ARHGAP42: variants seen among roughly 807,000 people sequenced by gnomAD.
ARHGAP42 encodes rho GTPase-activating protein 42.
Under a neutral mutation model 125.0 loss-of-function variants are expected in ARHGAP42, and 63 were observed. The ratio of observed to expected loss-of-function variants is 0.50; its 90% CI spans 0.41 to 0.62. The LOEUF (loss-of-function observed/expected upper bound fraction) is 0.62. Among genes scored for constraint, ARHGAP42 ranks in the 20% least tolerant of loss-of-function variants. ARHGAP42 has a pLI of 0.00. For missense variants in ARHGAP42, 766 were observed against 1,024.2 expected (o/e 0.75, Z 3.44); for synonymous variants, 339 against 351.0 (o/e 0.97, Z 0.38).
At chr11:100,731,396 G>A (rs1006041738) in intron 1 of ARHGAP42, among the ~76,000 whole-genome samples, 4 of 152,036 alleles carry the variant, frequency 2.6e-5, no homozygotes, top group Admixed American at 1.3e-4. Flanking sequence ...TGATCCATCC[G>A]CCTCAGACTC....
chr11:100,852,207 A>G (rs1276774898), intron 3 of ARHGAP42, among the ~76,000 whole-genome samples: 1 of 152,144 alleles, frequency 6.6e-6, no homozygotes, highest in African/African-American at 2.4e-5. Flanking sequence ...AAGAAATTGC[A>G]TATATATTGG....
Position 100,913,463 on chromosome 11 carries a change from G to T in ARHGAP42, c.396G>T (p.Lys132Asn), listed in dbSNP as rs774943869. ...TTGCTCTCCTTTAGGATGGAAAGAA[G>T]AAGTTTGACAAAGAGAGTGAAAAAT... ...EQIGAAKDGK[K>N]KFDKESEKYY... The change falls in exon 5 of 24, where the codon AAG (lysine) becomes AAT (asparagine). Residue 132 changes from lysine (K) to asparagine (N), a missense_variant. Transcript: ENST00000298815. 7.8e-7 allele frequency: 1 copy of T among 1,283,736 alleles called. No individual in the cohort carries two copies. Among genetic ancestry groups the T allele is most frequent in the Non-Finnish European group, 1.0e-6 (1 of 981,334 alleles). The allele number at this position is 1,283,736 out of a possible 1,614,324, so 79.5% of individuals were successfully genotyped here. A position where few individuals can be genotyped will look rare whatever the true frequency, so the allele number is the denominator to read the frequency against.
At chr11:100,816,368 T>C (rs1160174131) in intron 3 of ARHGAP42, among the ~76,000 whole-genome samples, 1 of 151,962 alleles carries the variant, frequency 6.6e-6, no homozygotes, top group Non-Finnish European at 1.5e-5. Context: ...AACTTTGGGG[T>C]TTAATTTTGC....
chr11:100,866,233 C>T (rs1459952304), intron 4 of ARHGAP42, among the ~76,000 whole-genome samples: 1 of 152,146 alleles, frequency 6.6e-6, no homozygotes, highest in Non-Finnish European at 1.5e-5. Context: ...TCTTCAGGCT[C>T]CACTTCTAAT....
At chr11:100,764,008 T>G (rs1159546481) in intron 1 of ARHGAP42, among the ~76,000 whole-genome samples, 4 of 80,914 alleles carry the variant, frequency 4.9e-5, no homozygotes, top group Non-Finnish European at 8.9e-5. Context: ...CCTCCCCCTC[T>G]TCTTCTTCTT....
chr11:100,913,470 G>C lies in ARHGAP42; in HGVS notation c.403G>C (p.Asp135His). ...GAAKDGKKKF[D>H]KESEKYYSIL... is the part of the protein sequence containing the mutation. ...CCTTTAGGATGGAAAGAAGAAGTTT[G>C]ACAAAGAGAGTGAAAAATATTACTC... Residue 135 changes from aspartate (D) to histidine (H), a missense_variant, in exon 5 of 24, where the codon GAC becomes CAC. Transcript: ENST00000298815. 1 of 1,287,918 alleles carries C rather than the reference G, an allele frequency of 7.8e-7. No homozygotes were observed. 79.8% of individuals were successfully genotyped at this position (1,287,918 alleles called of 1,614,324 possible).
intron 3 of ARHGAP42, among the ~76,000 whole-genome samples, chr11:100,802,334 G>A (rs1355090236): frequency 2.0e-5 from 3 of 151,950 alleles, no homozygotes; most frequent in Non-Finnish European, 2.9e-5. Flanking sequence ...TTGAAATAGT[G>A]AAGTTGACTC....
intron 2 of ARHGAP42, among the ~76,000 whole-genome samples, chr11:100,780,769 T>C (rs866695073): frequency 3.7e-4 from 57 of 152,356 alleles, no homozygotes; most frequent in African/African-American, 1.3e-3. Context: ...CCACAATGGG[T>C]GGCATAAGTA....
intron 1 of ARHGAP42, 75 bp from the exon 2 acceptor site, chr11:100,770,268 A>G (rs1862941415): frequency 1.0e-6 from 1 of 985,582 alleles, no homozygotes; most frequent in South Asian, 1.8e-5. Flanking sequence ...AAGTTATATA[A>G]TTTTACATTT....
chr11:100,966,068 T>G (rs950662657), intron 17 of ARHGAP42, among the ~76,000 whole-genome samples: 3 of 152,128 alleles, frequency 2.0e-5, no homozygotes, highest in African/African-American at 7.2e-5. Flanking sequence ...ATATAGTTTT[T>G]TTTCCTCCCA....
intron 5 of ARHGAP42, among the ~76,000 whole-genome samples, chr11:100,916,347 AGGG>A (rs1867064171): frequency 1.3e-5 from 2 of 152,238 alleles, no homozygotes; most frequent in African/African-American, 4.8e-5. Flanking sequence ...TCAAACCATT[AGGG>A]AATTTAAACA....
intron 3 of ARHGAP42, among the ~76,000 whole-genome samples, chr11:100,799,503 C>T (rs1863801018): frequency 6.6e-6 from 1 of 152,180 alleles, no homozygotes; most frequent in Admixed American, 6.6e-5. Context: ...AGAAGTCTAA[C>T]TTCCACAGGG....
At chr11:100,930,066 T>G (rs1867531896) in intron 6 of ARHGAP42, among the ~76,000 whole-genome samples, 1 of 152,250 alleles carries the variant, frequency 6.6e-6, no homozygotes, top group Non-Finnish European at 1.5e-5. Flanking sequence ...ATTTCGTCAG[T>G]GATAAAAGGA....
At chr11:100,808,009 G>A (rs1864039256) in intron 3 of ARHGAP42, among the ~76,000 whole-genome samples, 1 of 152,176 alleles carries the variant, frequency 6.6e-6, no homozygotes, top group Non-Finnish European at 1.5e-5. Context: ...TATAAAGTTA[G>A]TGTGTAACTG....
chr11:100,691,886 A>G (rs1475489898), intron 1 of ARHGAP42, among the ~76,000 whole-genome samples: 2 of 152,180 alleles, frequency 1.3e-5, no homozygotes, highest in African/African-American at 2.4e-5. Context: ...GGTAATGATC[A>G]TATTAGCATG....
chr11:100,920,357 A>C (rs976039936), intron 5 of ARHGAP42, among the ~76,000 whole-genome samples: 1 of 152,118 alleles, frequency 6.6e-6, no homozygotes, highest in Non-Finnish European at 1.5e-5. Context: ...TACATGTATA[A>C]TTTTTTACTC....
At chr11:100,888,235 T>TA (rs1397047881) in intron 4 of ARHGAP42, among the ~76,000 whole-genome samples, 15 of 128,484 alleles carry the variant, frequency 1.2e-4, no homozygotes, top group East Asian at 0.011. Context: ...GCCTTTCCTT[T>TA]TAAAAAAAAA....
chr11:100,852,828 A>G (rs1264590881), intron 3 of ARHGAP42, among the ~76,000 whole-genome samples: 3 of 152,196 alleles, frequency 2.0e-5, no homozygotes, highest in African/African-American at 7.2e-5. Context: ...TAATTGTGCC[A>G]CCAGAGGTAC....
At chr11:100,883,344 G>GT (rs549830905) in intron 4 of ARHGAP42, among the ~76,000 whole-genome samples, 35 of 152,144 alleles carry the variant, frequency 2.3e-4, no homozygotes, top group African/African-American at 8.2e-4. Context: ...TGTTTGTTTT[G>GT]TTTTTTATTT....
Sources: gnomAD v4.1 joint callset for allele counts (sites outside exome capture counted in the v4.1 genomes callset) on GRCh38, gnomAD v4.1.1 for gene constraint, MANE v1.5 for transcripts, NCBI Gene and HGNC (gene_info 2026-07-23, HGNC 2026-07-21) for gene names.